Variants in GRIK1 observed in about 807,000 individuals in gnomAD.
GRIK1 encodes glutamate receptor ionotropic, kainate 1.
Under a neutral mutation model 105.7 loss-of-function variants are expected in GRIK1, and 69 were observed. The observed-to-expected ratio is 0.65, with a 90% CI of 0.54 to 0.80. The LOEUF (loss-of-function observed/expected upper bound fraction) is 0.80, where lower values mean the gene tolerates loss of function less well. GRIK1 is among the 30% of genes least tolerant of loss of function. The pLI, the probability that GRIK1 is intolerant of heterozygous loss-of-function variation, is 0.00. For synonymous variants in GRIK1, 438 were observed against 431.3 expected (o/e 1.02, Z -0.19); for missense variants, 1,109 against 1,167.3 (o/e 0.95, Z 0.73).
chr21:29,935,537 A>T (rs769826751), intron 1 of GRIK1, among the ~76,000 whole-genome samples: 54 of 152,314 alleles, frequency 3.5e-4, no homozygotes, highest in African/African-American at 5.3e-4. Context: ...ATTACTTGGA[A>T]CTTTGGGGAT....
chr21:29,584,085 G>C (rs2091079227), intron 12 of GRIK1, among the ~76,000 whole-genome samples: 1 of 152,122 alleles, frequency 6.6e-6, no homozygotes, highest in South Asian at 2.1e-4. Flanking sequence ...TTCACTTTGG[G>C]TTTATGTTTG....
chr21:29,761,110 T>G (rs1208639319), intron 1 of GRIK1: 2 of 152,236 alleles, frequency 1.3e-5, no homozygotes, highest in Non-Finnish European at 2.9e-5. Flanking sequence ...ATGAAGCCTG[T>G]GACTAGCCCA....
At chr21:29,629,218 GT>G (rs1457156700) in intron 7 of GRIK1, among the ~76,000 whole-genome samples, 2 of 134,790 alleles carry the variant, frequency 1.5e-5, no homozygotes, top group African/African-American at 7.7e-5. Context: ...GTGTGTGTGT[GT>G]GTGTGTGTGT....
At chr21:29,637,798 C>T (rs2062427680) in intron 7 of GRIK1, among the ~76,000 whole-genome samples, 1 of 152,160 alleles carries the variant, frequency 6.6e-6, no homozygotes, top group African/African-American at 2.4e-5. Context: ...GAAACTCAGC[C>T]TTGGTTGAGG....
intron 1 of GRIK1, among the ~76,000 whole-genome samples, chr21:29,816,179 C>G (rs9636826): frequency 1.3e-5 from 2 of 151,812 alleles, no homozygotes; most frequent in African/African-American, 4.8e-5. Context: ...AAACGGCCAA[C>G]AGGTATATGA....
Position 29,715,776 on chromosome 21 carries a change from A to C in GRIK1, c.119-21713T>G, listed in dbSNP as rs532203062. Reference sequence around the variant, plus strand: ...CTACCTAAGAGTAGCTTAGGCACTAAAAATATTTCTAAAAATATAAACTGG... The same window carrying C: ...CTACCTAAGAGTAGCTTAGGCACTACAAATATTTCTAAAAATATAAACTGG... On this transcript the variant is annotated intron_variant, in intron 1 of 17. Coordinates refer to ENST00000327783, the MANE Select transcript of GRIK1 (RefSeq NM_001330994.2). Among the ~76,000 whole-genome samples the C allele has an allele frequency of 2.8e-3, 421 of 151,600 alleles. 1 individual carries two copies. Among genetic ancestry groups the C allele is most frequent in the Admixed American group, 4.8e-3 (73 of 15,162 alleles).
intron 1 of GRIK1, among the ~76,000 whole-genome samples, chr21:29,788,550 T>C (rs2066325753): frequency 6.6e-6 from 1 of 152,214 alleles, no homozygotes; most frequent in South Asian, 2.1e-4. Context: ...TTGTGGAAGA[T>C]AATTTTTGCA....
rs777642045 is a variant in GRIK1 at position 29,693,919 on chromosome 21, T to A, written c.263A>T (p.Asp88Val). ...ACCTCTCCGCGAGGCTTCAAAACTA[T>A]CAAAAAGGTTAATTCTCTGGATGTC... ...TYDIQRINLF[D>V]SFEASRRACD... Residue 88 changes from aspartate to valine, a missense_variant, in exon 2 of 18, where the codon GAT (aspartate) becomes GTT (valine). Transcript: ENST00000327783. The A allele has an allele frequency of 1.9e-6, 3 of 1,613,392 alleles. No individual in the cohort carries two copies. The highest frequency in any genetic ancestry group is 1.1e-5 in the South Asian group (1 of 91,002).
intron 15 of GRIK1, among the ~76,000 whole-genome samples, chr21:29,558,867 C>T (rs2090322481): frequency 6.6e-6 from 1 of 152,092 alleles, no homozygotes; most frequent in Admixed American, 6.6e-5. Context: ...CTACCTCCAG[C>T]CCTGCGTCAC....
At chr21:29,876,771 C>T (rs1432440435) in intron 1 of GRIK1, among the ~76,000 whole-genome samples, 1 of 152,124 alleles carries the variant, frequency 6.6e-6, no homozygotes, top group Non-Finnish European at 1.5e-5. Flanking sequence ...TTGGAGAATT[C>T]TTAACTTTTA....
At chr21:29,598,158 T>C (rs1209307398) in intron 8 of GRIK1, among the ~76,000 whole-genome samples, 1 of 152,210 alleles carries the variant, frequency 6.6e-6, no homozygotes, top group Non-Finnish European at 1.5e-5. Flanking sequence ...CATAGTAAAA[T>C]ATATTGAGGA....
At chr21:29,640,270 G>GA (rs577232204) in intron 7 of GRIK1, among the ~76,000 whole-genome samples, 6 of 151,966 alleles carry the variant, frequency 3.9e-5, no homozygotes, top group Non-Finnish European at 7.4e-5. Flanking sequence ...GCACTCATCT[G>GA]AAAAAACACG....
At chr21:29,681,459 A>G (rs2063374799) in intron 3 of GRIK1, among the ~76,000 whole-genome samples, 1 of 152,112 alleles carries the variant, frequency 6.6e-6, no homozygotes, top group African/African-American at 2.4e-5. Flanking sequence ...GGTACCAGGC[A>G]CACTCTCACC....
chr21:29,835,610 A>C (rs1343337707), intron 1 of GRIK1, among the ~76,000 whole-genome samples: 3 of 152,196 alleles, frequency 2.0e-5, no homozygotes, highest in African/African-American at 4.8e-5. Context: ...GTATTAAAAC[A>C]GTCAGTGCAG....
chr21:29,747,930 C>T (rs1265822874), intron 1 of GRIK1, among the ~76,000 whole-genome samples: 1 of 152,196 alleles, frequency 6.6e-6, no homozygotes, highest in Non-Finnish European at 1.5e-5. Context: ...TTTAAAGTCA[C>T]AATTTACAGC....
intron 14 of GRIK1, among the ~76,000 whole-genome samples, chr21:29,567,675 C>A (rs2090642715): frequency 6.6e-6 from 1 of 152,070 alleles, no homozygotes; most frequent in Non-Finnish European, 1.5e-5. Context: ...TTTAAGACAA[C>A]CCTTAAAAAT....
chr21:29,707,884 C>T (rs923472420), intron 1 of GRIK1, among the ~76,000 whole-genome samples: 1 of 152,164 alleles, frequency 6.6e-6, no homozygotes, highest in African/African-American at 2.4e-5. Flanking sequence ...CTGGATATGT[C>T]ACAGTTTTCT....
intron 14 of GRIK1, among the ~76,000 whole-genome samples, chr21:29,573,342 A>C (rs189010516): frequency 6.6e-6 from 1 of 152,330 alleles, no homozygotes; most frequent in East Asian, 1.9e-4. Context: ...GTGGAAGTGC[A>C]TTATCCAAAC....
intron 4 of GRIK1, among the ~76,000 whole-genome samples, chr21:29,656,350 G>C (rs2062849206): frequency 3.6e-5 from 1 of 28,066 alleles, no homozygotes; most frequent in Non-Finnish European, 6.7e-5. Context: ...GCCAGAGCGA[G>C]ACTCAAAAAA....
Sources: allele counts gnomAD v4.1 joint callset (sites outside exome capture counted in the v4.1 genomes callset), GRCh38; gene constraint gnomAD v4.1.1; transcripts MANE v1.5; gene names NCBI Gene and HGNC (gene_info 2026-07-23, HGNC 2026-07-21).